Variants in EGF observed in about 807,000 individuals in gnomAD.
The protein encoded by EGF is pro-epidermal growth factor.
In EGF, 95 loss-of-function variants were observed where a neutral mutation model predicts 143.8. That is an observed-to-expected ratio of 0.66 (90% CI 0.56 to 0.78). EGF has a LOEUF of 0.78. Ranked by LOEUF, EGF falls within the 30% of genes least tolerant of loss-of-function variation. The probability of loss-of-function intolerance (pLI) is 0.00; values close to 1 mark genes in which losing one functional copy is unlikely to be tolerated. For synonymous variants in EGF, 510 were observed against 510.5 expected, an observed-to-expected ratio of 1.00 and a Z score of 0.01; for missense variants, 1,320 against 1,470.9, an observed-to-expected ratio of 0.90 and a Z score of 1.68.
intron 2 of EGF, among the ~76,000 whole-genome samples, chr4:109,941,684 G>C (rs915307047): frequency 1.2e-4 from 18 of 152,184 alleles, no homozygotes; most frequent in African/African-American, 4.1e-4. Flanking sequence ...CTGAAGTTGA[G>C]AGACCCTGTT....
chr4:109,926,350 CT>C (rs60679717), intron 1 of EGF, among the ~76,000 whole-genome samples: 22,705 of 124,450 alleles, frequency 0.18, 3,655 homozygotes, highest in African/African-American at 0.45. Flanking sequence ...GAGACACTGT[CT>C]TTTTTTTTTT....
intron 5 of EGF, 113 bp downstream of exon 5, chr4:109,945,388 C>T (rs1742673731): frequency 1.1e-6 from 1 of 925,492 alleles, no homozygotes; most frequent in East Asian, 2.6e-5. Flanking sequence ...CTTCAACCCT[C>T]ATATATTCTT....
chr4:109,951,962 TG>T (rs536882185), intron 5 of EGF, among the ~76,000 whole-genome samples: 175 of 152,314 alleles, frequency 1.1e-3, no homozygotes, highest in African/African-American at 3.5e-3. Flanking sequence ...TTTTCTTTAA[TG>T]TTTTTTTTCA....
intron 1 of EGF, 44 bp downstream of exon 1, chr4:109,913,506 G>T (rs1172615546): frequency 1.2e-6 from 2 of 1,605,228 alleles, no homozygotes; most frequent in Non-Finnish European, 1.7e-6. Context: ...CCGGGAAACT[G>T]CCCCCACATC....
rs574709346 is a variant in EGF at position 109,953,514 on chromosome 4, G to A, written c.941-5798G>A. Among the ~76,000 whole-genome samples the A allele has an allele frequency of 1.2e-4, 19 of 152,268 alleles. No homozygotes were observed. The South Asian group carries it at 1.5e-3, about 12-fold the overall frequency. On this transcript the variant is annotated intron_variant, in intron 5 of 23. Transcript: ENST00000265171. ...TGTTCGATCCTATTTCTTAATTTAC[G>A]TGTTTTCAAAATAAAGAGTTAGTGT...
At chr4:109,920,688 G>A (rs1034755275) in intron 1 of EGF, among the ~76,000 whole-genome samples, 1 of 151,682 alleles carries the variant, frequency 6.6e-6, no homozygotes, top group African/African-American at 2.4e-5. Flanking sequence ...AGTTTCTCAT[G>A]TGAGAATTAG....
intron 23 of EGF, among the ~76,000 whole-genome samples, chr4:110,009,674 C>T (rs1222930437): frequency 6.6e-6 from 1 of 152,086 alleles, no homozygotes; most frequent in Non-Finnish European, 1.5e-5. Flanking sequence ...CCAATCATGT[C>T]CAGCTGTCTC....
rs1311799934 is a variant in EGF, at chr4:109,964,541, T to C, written c.1575+4T>C. The C allele has an allele frequency of 6.2e-7, 1 of 1,613,634 alleles. No homozygotes were observed. Among genetic ancestry groups the C allele is most frequent in the Non-Finnish European group, 8.5e-7 (1 of 1,179,704 alleles). The stretch of plus-strand genomic sequence containing the variant: ...TCATGACCCTGTGGAAAATAAGGTA[T>C]GGTTTTGTTACTTGAACAGATGTGG... On this transcript the variant is annotated splice_donor_region_variant and intron_variant, in intron 10 of 23. Coordinates refer to ENST00000265171, the MANE Select transcript of EGF (RefSeq NM_001963.6).
intron 5 of EGF, among the ~76,000 whole-genome samples, chr4:109,947,811 T>A (rs1743102232): frequency 6.6e-6 from 1 of 152,228 alleles, no homozygotes; most frequent in Non-Finnish European, 1.5e-5. Context: ...TTTCAAAGTG[T>A]TTTCATGGGC....
At chr4:110,009,033 C>T (rs189022913) in intron 23 of EGF, among the ~76,000 whole-genome samples, 121 of 152,248 alleles carry the variant, frequency 7.9e-4, no homozygotes, top group African/African-American at 2.8e-3. Flanking sequence ...TATATTTTTC[C>T]TTCTTCAATG....
rs1046021667 is a variant in EGF, at chr4:109,921,632, C to T, written c.127+8170C>T. Among the ~76,000 whole-genome samples, 3 of 151,522 alleles carry T rather than the reference C, an allele frequency of 2.0e-5. 1 individual carries two copies. The highest frequency in any genetic ancestry group is 7.3e-5 in the African/African-American group (3 of 40,822). On this transcript the variant is annotated intron_variant, in intron 1 of 23. Coordinates refer to ENST00000265171, the MANE Select transcript of EGF (RefSeq NM_001963.6). Reference sequence around the variant, plus strand: ...CCATTCAGACTAACTTCCCAGGGTGCTATGGACCAGCTTTGTGTGCAGTAA... The same window carrying T: ...CCATTCAGACTAACTTCCCAGGGTGTTATGGACCAGCTTTGTGTGCAGTAA...
chr4:109,916,483 C>T (rs1405268793), intron 1 of EGF, among the ~76,000 whole-genome samples: 1 of 152,106 alleles, frequency 6.6e-6, no homozygotes, highest in Admixed American at 6.5e-5. Flanking sequence ...TAATTGTACC[C>T]TCTTCCGAGG....
intron 1 of EGF, among the ~76,000 whole-genome samples, chr4:109,934,342 A>G (rs558719433): frequency 6.6e-6 from 1 of 152,270 alleles, no homozygotes; most frequent in South Asian, 2.1e-4. Context: ...ACAATTTGAC[A>G]CATACATAAA....
At chr4:109,969,206 CAG>C (rs1405443142) in intron 11 of EGF, 87 bp downstream of exon 11, 4 of 1,575,248 alleles carry the variant, frequency 2.5e-6, no homozygotes, top group Non-Finnish European at 3.5e-6. Context: ...ACTTTGAACA[CAG>C]AAAAATGTTG....
chr4:109,975,114 A>G (rs1748283343), intron 12 of EGF, among the ~76,000 whole-genome samples: 1 of 152,232 alleles, frequency 6.6e-6, no homozygotes, highest in South Asian at 2.1e-4. Flanking sequence ...TACTGAGCAG[A>G]AAAGGATATT....
intron 21 of EGF, 69 bp from the exon 22 acceptor site, chr4:110,004,436 G>T: frequency 7.4e-7 from 1 of 1,343,312 alleles, no homozygotes. Flanking sequence ...AGTTGTCCCT[G>T]ATCATCACTG....
chr4:109,933,854 G>C lies in EGF; in HGVS notation c.128-7092G>C, dbSNP rs187861141. Reference sequence around the variant, plus strand: ...ACATTTGGGTTGGTTCCAAGTCTTTGCTATTGTGAATAGTGCCACAATAAA... The same window carrying C: ...ACATTTGGGTTGGTTCCAAGTCTTTCCTATTGTGAATAGTGCCACAATAAA... On this transcript the variant is annotated intron_variant, in intron 1 of 23. Transcript: ENST00000265171. Among the ~76,000 whole-genome samples the C allele has an allele frequency of 1.4e-4, 21 of 152,222 alleles. 1 individual carries two copies. Among genetic ancestry groups the C allele is most frequent in the Admixed American group, 1.2e-3 (19 of 15,288 alleles).
intron 1 of EGF, among the ~76,000 whole-genome samples, chr4:109,919,318 TC>T (rs1560623263): frequency 2.7e-4 from 31 of 114,676 alleles, no homozygotes; most frequent in East Asian, 1.2e-3. Flanking sequence ...TCTCTCTCTC[TC>T]TCTCTCTCTC....
intron 5 of EGF, among the ~76,000 whole-genome samples, chr4:109,953,260 G>C (rs1642829892): frequency 6.6e-6 from 1 of 152,162 alleles, no homozygotes; most frequent in African/African-American, 2.4e-5. Context: ...TCACCAGCCT[G>C]GTCCAGCCAC....
Sources: gnomAD v4.1 joint callset for allele counts (sites outside exome capture counted in the v4.1 genomes callset) on GRCh38, gnomAD v4.1.1 for gene constraint, MANE v1.5 for transcripts, NCBI Gene and HGNC (gene_info 2026-07-23, HGNC 2026-07-21) for gene names.